The following CALCR variants were observed in gnomAD, a reference collection of about 807,000 sequenced individuals.
The protein encoded by CALCR is calcitonin receptor.
Under a neutral mutation model 59.5 loss-of-function variants are expected in CALCR, and 47 were observed. The ratio of observed to expected loss-of-function variants is 0.79; its 90% confidence interval spans 0.63 to 1.01. CALCR has a LOEUF of 1.01. Among genes scored for constraint, CALCR ranks in the 50% least tolerant of loss-of-function variants. CALCR has a pLI of 0.00. For missense variants in CALCR, 566 were observed against 597.1 expected (o/e 0.95, Z 0.54); for synonymous variants, 213 against 211.3 (o/e 1.01, Z -0.07).
At chr7:93,532,719 G>A (rs1242598464) in intron 2 of CALCR, among the ~76,000 whole-genome samples, 1 of 151,130 alleles carries the variant, frequency 6.6e-6, no homozygotes, top group African/African-American at 2.4e-5. Context: ...GCCTATGGAA[G>A]CAATTCTTTA....
chr7:93,462,414 G>T (rs189920174), intron 7 of CALCR, among the ~76,000 whole-genome samples: 50 of 152,094 alleles, frequency 3.3e-4, no homozygotes, highest in South Asian at 2.1e-4. Flanking sequence ...TAGCACTAAA[G>T]GTAGGTTGCA....
chr7:93,568,509 T>TTCTCTCTCTCTCTCTTTCTCTCTCTC (rs1789919405), intron 2 of CALCR, among the ~76,000 whole-genome samples: 3 of 102,384 alleles, frequency 2.9e-5, no homozygotes, highest in Admixed American at 1.1e-4. Context: ...TAAAATTACT[T>TTCTCTCTCTCTCTCTTTCTCTCTCTC]TCTCTCTCTC....
At chr7:93,495,432 G>A (rs1801177551) in intron 2 of CALCR, among the ~76,000 whole-genome samples, 1 of 151,236 alleles carries the variant, frequency 6.6e-6, no homozygotes, top group Non-Finnish European at 1.5e-5. Flanking sequence ...GATAATTTAG[G>A]GACAGAACCT....
intron 2 of CALCR, among the ~76,000 whole-genome samples, chr7:93,529,714 A>G (rs1788781546): frequency 6.6e-6 from 1 of 152,200 alleles, no homozygotes; most frequent in Admixed American, 6.6e-5. Context: ...GGCACAGTTT[A>G]AAAGAACACC....
At position 93,536,406 on chromosome 7, in the gene CALCR, A is replaced by G. The variant is rs562273632; in HGVS notation, c.-27+37883T>C. ...ACGTGTCCTATTGACTAATTTTGGA[A>G]AGAAAAACCAGAGACTTTGCAGAAA... On this transcript the variant is annotated intron_variant, in intron 2 of 13. Transcript: ENST00000426151. Among the ~76,000 whole-genome samples, 8 of 151,960 alleles carry G rather than the reference A, an allele frequency of 5.3e-5. No individual in the cohort carries two copies. In the South Asian group the frequency reaches 1.7e-3, roughly 31 times the overall value.
chr7:93,472,609 T>C (rs1800577945), intron 5 of CALCR, 122 bp from the exon 6 acceptor site: 2 of 639,842 alleles, frequency 3.1e-6, no homozygotes, highest in Non-Finnish European at 5.6e-6. Flanking sequence ...TGAATGTGAG[T>C]ATGTCAGTAG....
intron 11 of CALCR, among the ~76,000 whole-genome samples, chr7:93,437,660 T>A (rs202092650): frequency 0.16 from 23,641 of 152,078 alleles, 2,147 homozygotes; most frequent in East Asian, 0.34. Flanking sequence ...AATATTTGGA[T>A]TTCTGGACCT....
intron 13 of CALCR, among the ~76,000 whole-genome samples, chr7:93,427,675 A>G (rs1285078642): frequency 6.6e-6 from 1 of 152,152 alleles, no homozygotes; most frequent in African/African-American, 2.4e-5. Flanking sequence ...GATGAGAAAA[A>G]TGACAGCAAA....
intron 3 of CALCR, among the ~76,000 whole-genome samples, chr7:93,485,450 A>C (rs918500015): frequency 6.6e-6 from 1 of 151,766 alleles, no homozygotes; most frequent in East Asian, 1.9e-4. Flanking sequence ...TAATTAGATA[A>C]TCTTCAAACA....
chr7:93,505,847 C>T (rs1271540032), intron 2 of CALCR, among the ~76,000 whole-genome samples: 1 of 152,194 alleles, frequency 6.6e-6, no homozygotes, highest in African/African-American at 2.4e-5. Flanking sequence ...ACCTTCCCTT[C>T]TCTTTGCCAG....
At chr7:93,504,049 T>A (rs1801376689) in intron 2 of CALCR, among the ~76,000 whole-genome samples, 1 of 152,180 alleles carries the variant, frequency 6.6e-6, no homozygotes, top group South Asian at 2.1e-4. Context: ...AAAAAATGTA[T>A]TTCACAAATG....
chr7:93,451,388 AC>A (rs1800107083), intron 8 of CALCR, among the ~76,000 whole-genome samples: 1 of 152,006 alleles, frequency 6.6e-6, no homozygotes, highest in African/African-American at 2.4e-5. Context: ...GCAATTGAAT[AC>A]TTTTTCTGCA....
intron 2 of CALCR, among the ~76,000 whole-genome samples, chr7:93,501,179 G>A (rs951525927): frequency 6.6e-6 from 1 of 151,942 alleles, no homozygotes; most frequent in Non-Finnish European, 1.5e-5. Context: ...ATGACCCTAA[G>A]AGCTAAGAAT....
Position 93,466,635 on chromosome 7 carries a change from A to G in CALCR, c.521+2080T>C, listed in dbSNP as rs1800446489. On this transcript the variant is annotated intron_variant, in intron 7 of 13. Coordinates refer to ENST00000426151, the MANE Select transcript of CALCR (RefSeq NM_001742.4). ...CATTTCTTCTCATTATTAGGCTCAG[A>G]TGATAAATCAATAAGACTTGTTTTT... Among the ~76,000 whole-genome samples, 6 of 151,832 alleles carry G rather than the reference A, an allele frequency of 4.0e-5. No homozygotes were observed. In the South Asian group the frequency reaches 1.0e-3, roughly 26 times the overall value.
intron 2 of CALCR, among the ~76,000 whole-genome samples, chr7:93,519,243 T>C (rs892052583): frequency 6.6e-6 from 1 of 152,076 alleles, no homozygotes; most frequent in Non-Finnish European, 1.5e-5. Flanking sequence ...GAATTCCTTA[T>C]ATTGCTGTAA....
intron 9 of CALCR, among the ~76,000 whole-genome samples, chr7:93,442,977 CCTGAAG>C: frequency 6.6e-6 from 1 of 152,220 alleles, no homozygotes; most frequent in Non-Finnish European, 1.5e-5. Flanking sequence ...CTAGAGCATC[CCTGAAG>C]GACTTCAGCA....
chr7:93,468,450 T>C (rs1020416553), intron 7 of CALCR, among the ~76,000 whole-genome samples: 2 of 151,780 alleles, frequency 1.3e-5, no homozygotes, highest in Admixed American at 6.6e-5. Flanking sequence ...AGTATACTTA[T>C]GGATTCACAG....
chr7:93,557,693 A>G (rs1260475820), intron 2 of CALCR, among the ~76,000 whole-genome samples: 2 of 151,940 alleles, frequency 1.3e-5, no homozygotes, highest in Non-Finnish European at 2.9e-5. Context: ...TAACAAATGT[A>G]TCATCTTGTG....
chr7:93,461,973 T>C, intron 7 of CALCR: 1 of 786,282 alleles, frequency 1.3e-6, no homozygotes, highest in East Asian at 2.7e-5. Flanking sequence ...TTCCTAAAAA[T>C]ATCTTCATGG....
Sources: gnomAD v4.1 joint callset for allele counts (sites outside exome capture counted in the v4.1 genomes callset) on GRCh38, gnomAD v4.1.1 for gene constraint, MANE v1.5 for transcripts, NCBI Gene and HGNC (gene_info 2026-07-23, HGNC 2026-07-21) for gene names.